Variants in SHISA6 observed in about 807,000 individuals in gnomAD.
SHISA6 encodes the protein shisa family member 6, also known as protein shisa-6.
SHISA6 carries 22 observed loss-of-function variants against 47.9 expected under a neutral mutation model. The observed-to-expected ratio is 0.46, with a 90% CI of 0.33 to 0.66. The LOEUF is 0.66. Among genes scored for constraint, SHISA6 ranks in the 30% least tolerant of loss-of-function variants. SHISA6 has a pLI of 0.02. For missense variants in SHISA6, 680 were observed against 764.6 expected, an observed-to-expected ratio of 0.89 and a Z score of 1.30; for synonymous variants, 388 against 337.8, an observed-to-expected ratio of 1.15 and a Z score of -1.63.
intron 2 of SHISA6, among the ~76,000 whole-genome samples, chr17:11,310,509 G>A (rs943197545): frequency 1.3e-5 from 2 of 152,162 alleles, no homozygotes; most frequent in African/African-American, 2.4e-5. Flanking sequence ...AAGGAGTCCT[G>A]AATGGCTGGA....
chr17:11,400,619 A>T (rs1042922695), intron 3 of SHISA6, among the ~76,000 whole-genome samples: 16 of 152,164 alleles, frequency 1.1e-4, no homozygotes, highest in Admixed American at 8.5e-4. Context: ...TGTCAAATTA[A>T]TCTTTCTTCA....
intron 3 of SHISA6, among the ~76,000 whole-genome samples, chr17:11,393,154 G>A (rs1913445782): frequency 6.6e-6 from 1 of 152,180 alleles, no homozygotes; most frequent in South Asian, 2.1e-4. Flanking sequence ...ATTGGGCCTT[G>A]GTCCTTTTCC....
rs374254536 is a variant in SHISA6 at position 11,255,351 on chromosome 17, AAAG to A, written c.639-8012_639-8010del. On this transcript the variant is annotated intron_variant, in intron 1 of 5. Coordinates refer to ENST00000441885, the MANE Select transcript of SHISA6 (RefSeq NM_207386.4). The stretch of plus-strand genomic sequence containing the variant: ...TGAAGGGAGGAGGGAGGAAAGAAGG[AAAG>A]AAAAGGAAGAAAGAAAAAGAGAGGG... 1.1e-4 allele frequency among the ~76,000 whole-genome samples: 17 copies of A among 152,330 alleles called. No homozygotes were observed. The East Asian group carries it at 3.3e-3, about 29-fold the overall frequency.
At chr17:11,242,579 T>C (rs1198729075) in intron 1 of SHISA6, among the ~76,000 whole-genome samples, 1 of 152,134 alleles carries the variant, frequency 6.6e-6, no homozygotes, top group African/African-American at 2.4e-5. Flanking sequence ...GAAGTAGGGA[T>C]AAAGATTTCT....
intron 3 of SHISA6, among the ~76,000 whole-genome samples, chr17:11,479,923 C>A (rs1038213739): frequency 6.6e-6 from 1 of 151,418 alleles, no homozygotes; most frequent in Non-Finnish European, 1.5e-5. Flanking sequence ...TAACCTATAT[C>A]ATTTTCCTTA....
chr17:11,500,760 G>A (rs1033127819), intron 3 of SHISA6, among the ~76,000 whole-genome samples: 1 of 152,220 alleles, frequency 6.6e-6, no homozygotes, highest in Non-Finnish European at 1.5e-5. Flanking sequence ...GTAGCTACCT[G>A]TGGTTGGTGG....
Position 11,241,385 on chromosome 17 carries a change from C to G in SHISA6, c.-38C>G, listed in dbSNP as rs981236480. ...CCGGCCCGCCGGGGGAGCGGCCTGC[C>G]GCGGAAGCCTCCCCGCGCCCTCCCG... On this transcript the variant is annotated 5_prime_UTR_variant, in exon 1 of 6. Coordinates refer to ENST00000441885, the MANE Select transcript of SHISA6 (RefSeq NM_207386.4). The surrounding 1 kb of genome is among the most constrained non-coding windows in gnomAD (Gnocchi z 5.5). 15 of 1,057,434 alleles carry G rather than the reference C, an allele frequency of 1.4e-5. No homozygotes were observed. In the East Asian group the frequency reaches 4.2e-4, roughly 30 times the overall value. 65.5% of individuals were successfully genotyped at this position (1,057,434 alleles called of 1,614,324 possible). A position where few individuals can be genotyped will look rare whatever the true frequency, so the allele number is the denominator to read the frequency against.
At chr17:11,387,271 C>G (rs79163310) in intron 3 of SHISA6, among the ~76,000 whole-genome samples, 5,328 of 152,186 alleles carry the variant, frequency 0.035, 177 homozygotes, top group Admixed American at 0.088. Flanking sequence ...CAGACAGGCA[C>G]TCCATGGGGT....
chr17:11,339,310 C>T (rs560245560), intron 2 of SHISA6, among the ~76,000 whole-genome samples: 2 of 151,836 alleles, frequency 1.3e-5, no homozygotes, highest in Non-Finnish European at 2.9e-5. Flanking sequence ...GTATACACAC[C>T]CTGGTCAAAT....
chr17:11,412,667 A>G (rs142409971), intron 3 of SHISA6, among the ~76,000 whole-genome samples: 3,102 of 151,996 alleles, frequency 0.02, 54 homozygotes, highest in Non-Finnish European at 0.031. Flanking sequence ...TCAGCCTCCC[A>G]AGTAGCTGGG....
At chr17:11,317,102 A>C (rs1383713476) in intron 2 of SHISA6, among the ~76,000 whole-genome samples, 1 of 152,122 alleles carries the variant, frequency 6.6e-6, no homozygotes, top group Non-Finnish European at 1.5e-5. Context: ...TGGAAAATAC[A>C]TATTTTATGT....
At chr17:11,487,955 C>T (rs1225106862) in intron 3 of SHISA6, among the ~76,000 whole-genome samples, 2 of 152,174 alleles carry the variant, frequency 1.3e-5, no homozygotes, top group Admixed American at 6.5e-5. Context: ...AAGGCAAAAA[C>T]CCATTTAAAT....
intron 2 of SHISA6, among the ~76,000 whole-genome samples, chr17:11,299,450 G>A (rs571831367): frequency 8.6e-5 from 13 of 151,592 alleles, no homozygotes; most frequent in Middle Eastern, 6.8e-3. Context: ...ACAAATTACC[G>A]CAGATTTAAA....
intron 2 of SHISA6, among the ~76,000 whole-genome samples, chr17:11,265,033 C>T (rs973889976): frequency 6.6e-6 from 1 of 152,088 alleles, no homozygotes; most frequent in East Asian, 1.9e-4. Flanking sequence ...AGCTTTAATA[C>T]CATAGGTCCT....
chr17:11,394,688 T>A (rs1407208380), intron 3 of SHISA6, among the ~76,000 whole-genome samples: 1 of 152,152 alleles, frequency 6.6e-6, no homozygotes, highest in Non-Finnish European at 1.5e-5. Flanking sequence ...ATTGATTTTT[T>A]AATGTTTTTA....
At chr17:11,387,813 T>C (rs1290372693) in intron 3 of SHISA6, among the ~76,000 whole-genome samples, 3 of 152,164 alleles carry the variant, frequency 2.0e-5, no homozygotes, top group Non-Finnish European at 4.4e-5. Flanking sequence ...AGGTTTTATG[T>C]GGACTGTGGA....
intron 3 of SHISA6, among the ~76,000 whole-genome samples, chr17:11,381,700 G>A (rs1041520084): frequency 3.3e-5 from 5 of 152,180 alleles, no homozygotes; most frequent in Non-Finnish European, 5.9e-5. Context: ...CCACATGAAG[G>A]TGATTCCCAA....
chr17:11,536,464 A>G (rs2071789282), intron 3 of SHISA6, among the ~76,000 whole-genome samples: 1 of 152,224 alleles, frequency 6.6e-6, no homozygotes, highest in African/African-American at 2.4e-5. Context: ...TCATTCCAAT[A>G]TTTCAACTTG....
At chr17:11,318,137 G>A (rs78800253) in intron 2 of SHISA6, among the ~76,000 whole-genome samples, 1 of 152,076 alleles carries the variant, frequency 6.6e-6, no homozygotes, top group African/African-American at 2.4e-5. Flanking sequence ...ATTATCACAG[G>A]AAAAAATGGA....
Sources: allele counts gnomAD v4.1 joint callset (sites outside exome capture counted in the v4.1 genomes callset), GRCh38; gene constraint gnomAD v4.1.1; non-coding constraint Gnocchi (gnomAD v3.1); transcripts MANE v1.5; gene names NCBI Gene and HGNC (gene_info 2026-07-23, HGNC 2026-07-21).